The following SCIN variants were observed in gnomAD, a reference collection of about 807,000 sequenced individuals.
The protein encoded by SCIN is adseverin.
SCIN carries 91 observed loss-of-function variants against 91.8 expected under a neutral mutation model. The observed-to-expected ratio is 0.99, with a 90% CI of 0.84 to 1.18. The LOEUF (loss-of-function observed/expected upper bound fraction) is 1.18, where lower values mean the gene tolerates loss of function less well. Ranked by LOEUF, SCIN falls within the 50% of genes most tolerant of loss-of-function variation. SCIN has a pLI of 0.00. For synonymous variants in SCIN, 367 were observed against 312.6 expected, an observed-to-expected ratio of 1.17 and a Z score of -1.84; for missense variants, 1,087 against 863.9, an observed-to-expected ratio of 1.26 and a Z score of -3.24.
chr7:12,626,786 C>G lies in SCIN; in HGVS notation c.1184C>G (p.Ser395Cys). The G allele has an allele frequency of 6.2e-7, 1 of 1,608,356 alleles. No individual in the cohort carries two copies. The highest frequency in any genetic ancestry group is 8.5e-7 in the Non-Finnish European group (1 of 1,177,312). ...CAGCACAATATGGTGGATGATGGTT[C>G]TGGCAAAGTGGAGGTATTTACCTGT... ...AAQHNMVDDG[S>C]GKVEIWRVEN... The change falls in exon 8 of 16, where the codon TCT becomes TGT. Residue 395 changes from serine (S) to cysteine (C), a missense_variant. Transcript: ENST00000297029.
intron 3 of SCIN, among the ~76,000 whole-genome samples, chr7:12,598,769 C>T (rs181605802): frequency 2.0e-5 from 3 of 152,050 alleles, no homozygotes; most frequent in East Asian, 1.9e-4. Context: ...GTTCGCTAGG[C>T]GTGGTGGCAC....
intron 11 of SCIN, 130 bp downstream of exon 11, chr7:12,640,647 C>A: frequency 1.2e-6 from 1 of 832,084 alleles, no homozygotes; most frequent in African/African-American, 1.8e-5. Flanking sequence ...ATCCACTGTT[C>A]AAAATTTTAA....
intron 3 of SCIN, among the ~76,000 whole-genome samples, chr7:12,595,294 A>C (rs181852360): frequency 6.6e-6 from 1 of 152,140 alleles, no homozygotes; most frequent in Admixed American, 6.5e-5. Context: ...TCATCTTGTG[A>C]CCAGGTTTCA....
intron 3 of SCIN, among the ~76,000 whole-genome samples, chr7:12,593,792 A>G (rs1356549787): frequency 6.6e-6 from 1 of 152,144 alleles, no homozygotes; most frequent in Non-Finnish European, 1.5e-5. Flanking sequence ...TTCCCAGGGA[A>G]CAGCAGCAGC....
intron 3 of SCIN, chr7:12,596,470 A>T (rs73294907): frequency 0.017 from 7,614 of 456,120 alleles, 482 homozygotes; most frequent in African/African-American, 0.14. Flanking sequence ...GCCAGCTGCC[A>T]ATTTATCACT....
chr7:12,632,338 C>A (rs1402668371), intron 9 of SCIN, among the ~76,000 whole-genome samples: 1 of 151,996 alleles, frequency 6.6e-6, no homozygotes, highest in African/African-American at 2.4e-5. Context: ...ACCATGTTGG[C>A]CAGGCTGGTC....
chr7:12,633,184 A>G (rs905361886), intron 9 of SCIN, among the ~76,000 whole-genome samples: 2 of 152,228 alleles, frequency 1.3e-5, no homozygotes, highest in African/African-American at 2.4e-5. Flanking sequence ...CTAGAATTAA[A>G]TCAATTATGA....
At chr7:12,582,558 C>G (rs968608921) in intron 3 of SCIN, among the ~76,000 whole-genome samples, 1 of 151,238 alleles carries the variant, frequency 6.6e-6, no homozygotes, top group African/African-American at 2.4e-5. Context: ...GCCCAAAGTA[C>G]AATTCTTAAT....
intron 9 of SCIN, among the ~76,000 whole-genome samples, chr7:12,634,489 A>C (rs76204454): frequency 2.0e-5 from 3 of 148,770 alleles, no homozygotes; most frequent in African/African-American, 7.3e-5. Flanking sequence ...CCATCTCCAA[A>C]AAAAAAAAAA....
At chr7:12,625,600 A>T (rs570120205) in intron 6 of SCIN, among the ~76,000 whole-genome samples, 162 bp from the exon 7 acceptor site, 53 of 152,122 alleles carry the variant, frequency 3.5e-4, no homozygotes, top group Non-Finnish European at 6.9e-4. Context: ...AAGTGCTAGG[A>T]TTACAGGCGT....
At chr7:12,636,218 G>A in intron 10 of SCIN, 83 bp downstream of exon 10, 1 of 946,502 alleles carries the variant, frequency 1.1e-6, no homozygotes, top group South Asian at 1.6e-5. Context: ...TCCCAAGTTG[G>A]GATAGAAATT....
intron 10 of SCIN, among the ~76,000 whole-genome samples, chr7:12,636,589 G>A (rs968473317): frequency 3.9e-5 from 6 of 152,168 alleles, no homozygotes; most frequent in Non-Finnish European, 8.8e-5. Context: ...TTGTTCATCA[G>A]CAGATCTTAA....
intron 10 of SCIN, among the ~76,000 whole-genome samples, chr7:12,636,884 T>G (rs1783763322): frequency 2.0e-5 from 3 of 151,674 alleles, no homozygotes; most frequent in Non-Finnish European, 4.4e-5. Flanking sequence ...CCCATGAATA[T>G]CTACAATTAT....
chr7:12,617,347 T>C (rs1237874789), intron 4 of SCIN, among the ~76,000 whole-genome samples: 4 of 152,142 alleles, frequency 2.6e-5, no homozygotes, highest in African/African-American at 7.2e-5. Flanking sequence ...TAGTAGCGGC[T>C]CCACCCAGCT....
intron 3 of SCIN, among the ~76,000 whole-genome samples, chr7:12,594,704 G>A (rs1265205728): frequency 6.6e-6 from 1 of 152,096 alleles, no homozygotes; most frequent in Admixed American, 6.5e-5. Flanking sequence ...TGAGGGTAGA[G>A]GAAGAAGGGA....
intron 8 of SCIN, 56 bp downstream of exon 8, chr7:12,626,855 AG>A: frequency 7.9e-7 from 1 of 1,267,846 alleles, no homozygotes; most frequent in Non-Finnish European, 1.1e-6. Flanking sequence ...ATGTAGGGGG[AG>A]GGTGGGGGAG....
intron 3 of SCIN, chr7:12,588,885 T>A (rs915204003): frequency 7.0e-6 from 1 of 142,564 alleles, no homozygotes; most frequent in Non-Finnish European, 1.5e-5. Context: ...TCCAGCCTTT[T>A]AATAGGTAAT....
At chr7:12,616,343 A>G (rs111352797) in intron 4 of SCIN, among the ~76,000 whole-genome samples, 18 of 152,142 alleles carry the variant, frequency 1.2e-4, no homozygotes, top group African/African-American at 4.3e-4. Context: ...ATTTCTTGAG[A>G]GTGGGTTTAT....
At chr7:12,582,581 C>T (rs763849457) in intron 3 of SCIN, among the ~76,000 whole-genome samples, 5 of 151,140 alleles carry the variant, frequency 3.3e-5, no homozygotes, top group African/African-American at 4.9e-5. Context: ...TACACGTAGA[C>T]ATCTACACCC....
Sources: allele counts gnomAD v4.1 joint callset (sites outside exome capture counted in the v4.1 genomes callset), GRCh38; gene constraint gnomAD v4.1.1; transcripts MANE v1.5; gene names NCBI Gene and HGNC (gene_info 2026-07-23, HGNC 2026-07-21).